SMARCB1: variants seen among roughly 807,000 people sequenced by gnomAD.
SMARCB1 encodes SWI/SNF related BAF chromatin remodeling complex subunit B1, also known as SWI/SNF-related matrix-associated actin-dependent regulator of chromatin subfamily B member 1.
Under a neutral mutation model 49.0 loss-of-function variants are expected in SMARCB1, and 5 were observed. The observed-to-expected ratio is 0.10, with a 90% CI of 0.05 to 0.21. SMARCB1 has a LOEUF of 0.21. SMARCB1 is among the 10% of genes least tolerant of loss of function. The pLI is 1.00. For synonymous variants in SMARCB1, 201 were observed against 200.1 expected, an observed-to-expected ratio of 1.00 and a Z score of -0.04; for missense variants, 226 against 509.2, an observed-to-expected ratio of 0.44 and a Z score of 5.35.
chr22:23,834,183 A>C lies in SMARCB1; in HGVS notation c.*3A>C, dbSNP rs1423981980. 4 of 1,587,928 alleles carry C rather than the reference A, an allele frequency of 2.5e-6. No homozygotes were observed. Among genetic ancestry groups the C allele is most frequent in the Non-Finnish European group, 3.4e-6 (4 of 1,167,388 alleles). The stretch of plus-strand genomic sequence containing the variant: ...CCAACACGGCCCCGGCCTGGTAACC[A>C]GCCCATCAGCACACGGCTCCCACGG... On this transcript the variant is annotated 3_prime_UTR_variant, in exon 9 of 9. Coordinates refer to ENST00000644036, the MANE Select transcript of SMARCB1 (RefSeq NM_003073.5).
At chr22:23,804,476 C>T (rs1206374872) in intron 5 of SMARCB1, 2 of 152,218 alleles carry the variant, frequency 1.3e-5, no homozygotes, top group Non-Finnish European at 2.9e-5. Flanking sequence ...ACATATTTAA[C>T]ATAGTTGTCA....
chr22:23,789,262 C>T (rs779599149), intron 1 of SMARCB1, among the ~76,000 whole-genome samples: 1 of 152,216 alleles, frequency 6.6e-6, no homozygotes, highest in Non-Finnish European at 1.5e-5. Context: ...CAGTGCCTGT[C>T]CATCTGCCAC....
intron 1 of SMARCB1, among the ~76,000 whole-genome samples, chr22:23,789,121 T>A (rs560441946): frequency 3.2e-4 from 48 of 152,336 alleles, no homozygotes; most frequent in African/African-American, 1.1e-3. Context: ...AAGTGCTCGA[T>A]TATAGGCGTG....
chr22:23,791,486 C>G (rs1459994384), intron 1 of SMARCB1, among the ~76,000 whole-genome samples: 3 of 152,270 alleles, frequency 2.0e-5, no homozygotes, highest in African/African-American at 4.8e-5. Flanking sequence ...CCACGAACTT[C>G]TTGCTAAGCT....
At chr22:23,787,351 T>A in intron 1 of SMARCB1, 89 bp downstream of exon 1, 2 of 704,398 alleles carry the variant, frequency 2.8e-6, no homozygotes, top group African/African-American at 2.4e-5. Context: ...GCGTCTCCAT[T>A]CATCGGGGCG....
At position 23,803,307 on chromosome 22, in the gene SMARCB1, T is replaced by C; in HGVS notation, c.513T>C (p.His171=). The change falls in exon 5 of 9, where the codon CAT becomes CAC. Residue 171 remains histidine (H), a synonymous_variant. Coordinates refer to ENST00000644036, the MANE Select transcript of SMARCB1 (RefSeq NM_003073.5). ...ATTTCACTTTCAGCTTTGATGACCA[T>C]GACCCAGCTGTGATCCATGAGAACG... ...KRTFPLCFDD[H]DPAVIHENAS... The C allele has an allele frequency of 6.2e-7, 1 of 1,614,204 alleles. No individual in the cohort carries two copies.
chr22:23,803,582 G>C, intron 5 of SMARCB1, 160 bp downstream of exon 5: 1 of 813,064 alleles, frequency 1.2e-6, no homozygotes, highest in Non-Finnish European at 2.0e-6. Flanking sequence ...GTTCAGTCCT[G>C]GTTCTGTTGC....
Position 23,821,942 on chromosome 22 carries a change from A to G in SMARCB1, c.796-3283A>G, listed in dbSNP as rs115606923. ...GGTCTCGAACTCCTGGGCTCAAGCA[A>G]CTCTTCCACCTTGGCCTCCCAAACT... is the stretch of plus-strand genomic sequence containing the variant. On this transcript the variant is annotated intron_variant, in intron 6 of 8. Coordinates refer to ENST00000644036, the MANE Select transcript of SMARCB1 (RefSeq NM_003073.5). Among the ~76,000 whole-genome samples the G allele has an allele frequency of 5.9e-3, 890 of 151,860 alleles. 7 individuals carry two copies. The highest frequency in any genetic ancestry group is 0.023 in the South Asian group (108 of 4,796).
chr22:23,787,266 G>A lies in SMARCB1; in HGVS notation c.93+4G>A. 1.3e-6 allele frequency: 2 copies of A among 1,574,310 alleles called. No individual in the cohort carries two copies. Among genetic ancestry groups the A allele is most frequent in the Admixed American group, 1.7e-5 (1 of 58,362 alleles). On this transcript the variant is annotated splice_donor_region_variant and intron_variant, in intron 1 of 8. Transcript: ENST00000644036. ...GTTCTACATGATCGGCTCCGAGGTAGCCCGGGGCGCGTTCTCGCCCTCCCC... is the reference window on the plus strand; with the variant it reads ...GTTCTACATGATCGGCTCCGAGGTAACCCGGGGCGCGTTCTCGCCCTCCCC...
chr22:23,835,185 C>G lies in SMARCB1; in HGVS notation c.*1005C>G. ...AGGAGACACAGCCCAGGGTCCCTTCCCAGCCCTGCCTCCAAGGAGTTCATG... is the reference window on the plus strand; with the variant it reads ...AGGAGACACAGCCCAGGGTCCCTTCGCAGCCCTGCCTCCAAGGAGTTCATG... On this transcript the variant is annotated 3_prime_UTR_variant, in exon 9 of 9. Transcript: ENST00000644036. 3.9e-6 allele frequency: 5 copies of G among 1,276,680 alleles called. No homozygotes were observed. The highest frequency in any genetic ancestry group is 4.9e-6 in the Non-Finnish European group (5 of 1,013,578). 79.1% of individuals were successfully genotyped at this position (1,276,680 alleles called of 1,614,324 possible).
At position 23,836,485 on chromosome 22, in the gene SMARCB1, T is replaced by C; in HGVS notation, c.*2305T>C. 2.0e-6 allele frequency: 2 copies of C among 1,004,316 alleles called. No homozygotes were observed. Among genetic ancestry groups the C allele is most frequent in the South Asian group, 9.3e-5 (2 of 21,584 alleles). 62.2% of individuals were successfully genotyped at this position (1,004,316 alleles called of 1,614,324 possible). On this transcript the variant is annotated 3_prime_UTR_variant, in exon 9 of 9. Transcript: ENST00000644036. ...AGCAGAGGCCTATGGTGGGCAGGAC[T>C]TGCCCAAGGCCCTGGTGGGGCCAGG... is the stretch of plus-strand genomic sequence containing the variant.
At chr22:23,789,158 T>G (rs973247620) in intron 1 of SMARCB1, among the ~76,000 whole-genome samples, 1 of 152,216 alleles carries the variant, frequency 6.6e-6, no homozygotes, top group African/African-American at 2.4e-5. Context: ...CTCCACTAAT[T>G]TTTATAAAAC....
intron 2 of SMARCB1, chr22:23,792,966 G>A (rs1031649439): frequency 9.3e-5 from 16 of 171,792 alleles, no homozygotes; most frequent in Non-Finnish European, 1.7e-4. Flanking sequence ...GAGATTCCCC[G>A]GAAGAGCTAG....
At chr22:23,801,507 C>T in intron 4 of SMARCB1, 2 of 411,178 alleles carry the variant, frequency 4.9e-6, no homozygotes, top group South Asian at 3.9e-5. Flanking sequence ...TCTTCCCTCA[C>T]AGTTCTGGGG....
intron 2 of SMARCB1, chr22:23,793,028 G>A (rs969450878): frequency 1.9e-5 from 4 of 212,020 alleles, no homozygotes; most frequent in African/African-American, 4.5e-5. Context: ...CGTGTGGACC[G>A]GCTCGGGGAT....
chr22:23,797,241 G>A (rs151141080), intron 3 of SMARCB1, among the ~76,000 whole-genome samples: 19,908 of 147,198 alleles, frequency 0.14, 1,590 homozygotes, highest in East Asian at 0.3. Flanking sequence ...CTCGTGATCC[G>A]CCCGCCTCGG....
chr22:23,811,978 T>C (rs1223071413), intron 5 of SMARCB1, among the ~76,000 whole-genome samples: 1 of 152,198 alleles, frequency 6.6e-6, no homozygotes, highest in East Asian at 1.9e-4. Flanking sequence ...AGGAATGAAA[T>C]GGGATGTCAC....
chr22:23,833,514 A>G, intron 7 of SMARCB1, 58 bp from the exon 8 acceptor site: 1 of 1,611,756 alleles, frequency 6.2e-7, no homozygotes, highest in South Asian at 1.1e-5. Flanking sequence ...AAGCTTTCTG[A>G]GGATTCTCCA....
At chr22:23,830,195 G>A (rs2030580915) in intron 7 of SMARCB1, among the ~76,000 whole-genome samples, 1 of 152,184 alleles carries the variant, frequency 6.6e-6, no homozygotes. Flanking sequence ...GCTGGGTCAC[G>A]TGACAACTCA....
Sources: allele counts gnomAD v4.1 joint callset (sites outside exome capture counted in the v4.1 genomes callset), GRCh38; gene constraint gnomAD v4.1.1; transcripts MANE v1.5; gene names NCBI Gene and HGNC (gene_info 2026-07-23, HGNC 2026-07-21).